CCDC40: variants seen among roughly 807,000 people sequenced by gnomAD.
CCDC40 encodes coiled-coil domain-containing protein 40.
In CCDC40, 104 loss-of-function variants were observed where a neutral mutation model predicts 124.5. The observed-to-expected ratio is 0.84, with a 90% CI of 0.71 to 0.98. The LOEUF is 0.98. CCDC40 is among the 50% of genes least tolerant of loss of function. CCDC40 has a pLI of 0.00. For missense variants in CCDC40, 1,463 were observed against 1,503.9 expected (o/e 0.97, Z 0.45); for synonymous variants, 580 against 602.9 (o/e 0.96, Z 0.56).
chr17:80,080,203 A>AAG (rs1568704217), intron 10 of CCDC40, among the ~76,000 whole-genome samples: 4 of 66,428 alleles, frequency 6.0e-5, no homozygotes, highest in African/African-American at 1.5e-4. Flanking sequence ...CAAAAAAAAA[A>AAG]AAAGAAAGAA....
rs375018516 is a variant in CCDC40, at chr17:80,091,408, C to T, written c.2832+1524C>T. ...AATTGGCTCTTATGATTATGAGGGC[C>T]GAGAAGTCCTAGTATCCGGCATCTA... is the stretch of plus-strand genomic sequence containing the variant. On this transcript the variant is annotated intron_variant, in intron 17 of 19. Coordinates refer to ENST00000397545, the MANE Select transcript of CCDC40 (RefSeq NM_017950.4). Among the ~76,000 whole-genome samples the T allele has an allele frequency of 2.5e-3, 385 of 151,546 alleles. 5 individuals are homozygous for T. The highest frequency in any genetic ancestry group is 8.9e-3 in the African/African-American group (367 of 41,232).
At chr17:80,082,344 T>C (rs544782309) in intron 12 of CCDC40, among the ~76,000 whole-genome samples, 4 of 148,070 alleles carry the variant, frequency 2.7e-5, no homozygotes, top group Non-Finnish European at 5.9e-5. Flanking sequence ...GAACCCCCAA[T>C]TGTGAGCTCA....
intron 7 of CCDC40, among the ~76,000 whole-genome samples, chr17:80,053,544 A>G (rs1443377285): frequency 1.3e-5 from 2 of 152,204 alleles, no homozygotes; most frequent in African/African-American, 4.8e-5. Flanking sequence ...TTTAAATAGC[A>G]GGATGTCAAT....
chr17:80,095,487 C>T (rs754835487), intron 18 of CCDC40, 36 bp downstream of exon 18: 17 of 1,599,460 alleles, frequency 1.1e-5, no homozygotes, highest in South Asian at 9.9e-5. Flanking sequence ...GGCGCCTGCT[C>T]CTCTCTCTGG....
chr17:80,041,807 C>T (rs372338206), intron 3 of CCDC40, among the ~76,000 whole-genome samples: 210 of 152,204 alleles, frequency 1.4e-3, no homozygotes, highest in Middle Eastern at 0.01. Context: ...ATCACGGAAG[C>T]GACGTGGGGC....
intron 17 of CCDC40, chr17:80,090,855 C>G: frequency 9.2e-7 from 1 of 1,088,992 alleles, no homozygotes; most frequent in Non-Finnish European, 1.1e-6. Context: ...TTTTTCAGAT[C>G]AAGTGCATAT....
At chr17:80,051,535 A>G (rs2143622229) in intron 7 of CCDC40, among the ~76,000 whole-genome samples, 1 of 145,414 alleles carries the variant, frequency 6.9e-6, no homozygotes. Flanking sequence ...AGGCTGAGGC[A>G]GGAGAATGGC....
rs2037239695 is a variant in CCDC40, at chr17:80,040,189, C to T, written c.471C>T (p.Thr157=). 1.2e-6 allele frequency: 2 copies of T among 1,613,704 alleles called. No homozygotes were observed. Among genetic ancestry groups the T allele is most frequent in the African/African-American group, 2.7e-5 (2 of 74,918 alleles). Residue 157 remains threonine (T), a synonymous_variant, in exon 3 of 20, where the codon ACC becomes ACT. Coordinates refer to ENST00000397545, the MANE Select transcript of CCDC40 (RefSeq NM_017950.4). The stretch of plus-strand genomic sequence containing the variant: ...CAGAATCCAGAGAAAGGAGGGTCAC[C>T]TCCCCAGAGCCATCCCACGGAGTCT... ...GPPESRERRV[T]SPEPSHGVLG... is the part of the protein sequence containing the mutation.
chr17:80,090,783 A>G (rs1435649141), intron 17 of CCDC40: 1 of 1,287,242 alleles, frequency 7.8e-7, no homozygotes, highest in African/African-American at 1.5e-5. Context: ...AGAGCAGTTC[A>G]TAAAATAAAT....
chr17:80,057,279 G>A (rs1043718098), intron 7 of CCDC40, among the ~76,000 whole-genome samples: 2 of 151,776 alleles, frequency 1.3e-5, no homozygotes, highest in South Asian at 2.1e-4. Flanking sequence ...GTAGAGACAG[G>A]GTTTCACCAT....
intron 19 of CCDC40, among the ~76,000 whole-genome samples, chr17:80,098,147 G>C (rs1567818681): frequency 6.6e-6 from 1 of 152,212 alleles, no homozygotes; most frequent in Non-Finnish European, 1.5e-5. Context: ...CAGGTGGACA[G>C]GACAGCCCGG....
Position 80,085,988 on chromosome 17 carries a change from G to A in CCDC40, c.2236-15G>A, listed in dbSNP as rs148674510. ...CCCAGCCCTAATTTTGCTTTTTGAT[G>A]AATATCCGGTCTAGGGGGAAGAAGT... On this transcript the variant is annotated splice_polypyrimidine_tract_variant and intron_variant, in intron 13 of 19. Transcript: ENST00000397545. 4.9e-4 allele frequency: 784 copies of A among 1,613,198 alleles called. 6 individuals are homozygous for A. The African/African-American group carries it at 9.4e-3, about 19-fold the overall frequency.
chr17:80,059,875 A>G (rs2037853858), intron 9 of CCDC40, among the ~76,000 whole-genome samples: 1 of 152,114 alleles, frequency 6.6e-6, no homozygotes, highest in South Asian at 2.1e-4. Flanking sequence ...AAAAGAAGGA[A>G]GAGGACTTGA....
At position 80,086,301 on chromosome 17, in the gene CCDC40, G is replaced by A; in HGVS notation, c.2449+85G>A. On this transcript the variant is annotated intron_variant, in intron 14 of 19. Transcript: ENST00000397545. The surrounding 1 kb of genome is among the most constrained non-coding windows in gnomAD (Gnocchi z 5.5). ...CCTCCCAGGGGAGGGGCACTCAGTG[G>A]GGCACGTCGCTGGATTTGCACGCAG... The A allele has an allele frequency of 3.6e-6, 4 of 1,116,918 alleles. No homozygotes were observed. Among genetic ancestry groups the A allele is most frequent in the Non-Finnish European group, 5.3e-6 (4 of 754,272 alleles). The allele number at this position is 1,116,918 out of a possible 1,614,324, so 69.2% of individuals were successfully genotyped here.
At chr17:80,050,739 C>T (rs761616568) in intron 7 of CCDC40, among the ~76,000 whole-genome samples, 11 of 152,214 alleles carry the variant, frequency 7.2e-5, no homozygotes, top group East Asian at 1.9e-4. Context: ...ACACTGCACC[C>T]GGTTATAAAT....
chr17:80,089,361 C>T (rs945306533), intron 16 of CCDC40, among the ~76,000 whole-genome samples: 3 of 152,228 alleles, frequency 2.0e-5, no homozygotes, highest in African/African-American at 2.4e-5. Flanking sequence ...AAAAAATTAT[C>T]TGGGACCAAT....
At position 80,067,400 on chromosome 17, in the gene CCDC40, G is replaced by C. The variant is rs1039854650; in HGVS notation, c.1562+1794G>C. On this transcript the variant is annotated intron_variant, in intron 10 of 19. Coordinates refer to ENST00000397545, the MANE Select transcript of CCDC40 (RefSeq NM_017950.4). ...TCCCCTGCCTAACTTGTGTGCAATTGCAAGAAAGCATATGCGTTCACCCGG... is the reference window on the plus strand; with the variant it reads ...TCCCCTGCCTAACTTGTGTGCAATTCCAAGAAAGCATATGCGTTCACCCGG... 8.2e-6 allele frequency: 5 copies of C among 609,524 alleles called. No homozygotes were observed. The African/African-American group carries it at 9.2e-5, about 11-fold the overall frequency. 37.8% of individuals were successfully genotyped at this position (609,524 alleles called of 1,614,324 possible). A position where few individuals can be genotyped will look rare whatever the true frequency, so the allele number is the denominator to read the frequency against.
chr17:80,065,759 T>C (rs2038029982), intron 10 of CCDC40, among the ~76,000 whole-genome samples, 153 bp downstream of exon 10: 1 of 150,982 alleles, frequency 6.6e-6, no homozygotes, highest in Non-Finnish European at 1.5e-5. Context: ...GAAAGCTCCC[T>C]CATTGTTTGG....
Position 80,087,285 on chromosome 17 carries a change from C to T in CCDC40, c.2450-322C>T, listed in dbSNP as rs2038606377. 1 of 431,322 alleles carries T rather than the reference C, an allele frequency of 2.3e-6. No homozygotes were observed. Among genetic ancestry groups the T allele is most frequent in the Non-Finnish European group, 4.3e-6 (1 of 230,548 alleles). The allele number at this position is 431,322 out of a possible 1,614,324, so 26.7% of individuals were successfully genotyped here. ...CAGGTCCCGGTGCTCCACAGATTTG[C>T]AAGTGTCTGGGGGAGGGAGCCTGGC... On this transcript the variant is annotated intron_variant, in intron 14 of 19. Transcript: ENST00000397545. This position sits in a 1 kb window ranked among gnomAD's most constrained non-coding sequence, Gnocchi z 4.5.
Sources: gnomAD v4.1 joint callset for allele counts (sites outside exome capture counted in the v4.1 genomes callset) on GRCh38, gnomAD v4.1.1 for gene constraint, Gnocchi (gnomAD v3.1) non-coding constraint, MANE v1.5 for transcripts, NCBI Gene and HGNC (gene_info 2026-07-23, HGNC 2026-07-21) for gene names.